APTX: variants seen among roughly 807,000 people sequenced by gnomAD.
APTX encodes forkhead-associated domain histidine triad-like protein.
Under a neutral mutation model 42.3 loss-of-function variants are expected in APTX, and 33 were observed. That is an observed-to-expected ratio of 0.78 (90% CI 0.59 to 1.04). The LOEUF is 1.04. Among genes scored for constraint, APTX ranks in the 50% least tolerant of loss-of-function variants. The probability of loss-of-function intolerance (pLI) is 0.00; values close to 1 mark genes in which losing one functional copy is unlikely to be tolerated. For missense variants in APTX, 421 were observed against 415.1 expected (o/e 1.01, Z -0.12); for synonymous variants, 130 against 146.7 (o/e 0.89, Z 0.82).
chr9:32,974,467 C>T lies in APTX; in HGVS notation c.865G>A (p.Glu289Lys), dbSNP rs373733857. 1.3e-6 allele frequency: 2 copies of T among 1,574,600 alleles called. 1 individual carries two copies. Among genetic ancestry groups the T allele is most frequent in the African/African-American group, 2.7e-5 (2 of 74,202 alleles). ...WNSFNTEYFL[E>K]SQAVIEMVQE... ...AAGGAACACTGTTTACCTTGTGATT[C>T]TAGGAAGTATTCTGTATTGAAAGAA... Residue 289 changes from glutamate to lysine, a missense_variant, in exon 7 of 8, where the codon GAA becomes AAA. Transcript: ENST00000379817.
chr9:33,000,625 C>CGAAAAAAAAAAAAA (rs1836075139), intron 1 of APTX, among the ~76,000 whole-genome samples: 1 of 63,454 alleles, frequency 1.6e-5, no homozygotes, highest in African/African-American at 5.9e-5. Context: ...GACTCTGTCT[C>CGAAAAAAAAAAAAA]AAAAAAAAAA....
intron 7 of APTX, 132 bp from the exon 8 acceptor site, chr9:32,973,784 G>A (rs1828657122): frequency 8.2e-7 from 1 of 1,225,732 alleles, no homozygotes; most frequent in Admixed American, 1.8e-5. Flanking sequence ...AGCTCCGTAA[G>A]CTTAGTTTAG....
upstream of APTX, among the ~76,000 whole-genome samples, chr9:33,005,728 C>A (rs529970969): frequency 3.0e-4 from 46 of 152,286 alleles, no homozygotes; most frequent in Admixed American, 2.9e-3. Flanking sequence ...AGACACTGTG[C>A]CTGGCCTTGA....
intron 1 of APTX, among the ~76,000 whole-genome samples, chr9:33,021,114 A>G (rs1414241089): frequency 7.7e-6 from 1 of 129,926 alleles, no homozygotes. Context: ...GGGCAAAAAG[A>G]GAGAAACTCT....
chr9:32,997,884 T>C (rs1016514542), intron 1 of APTX, among the ~76,000 whole-genome samples: 1 of 152,190 alleles, frequency 6.6e-6, no homozygotes, highest in Non-Finnish European at 1.5e-5. Flanking sequence ...AAGCAGGAAT[T>C]TGATACAGAC....
At chr9:33,023,278 T>C (rs1030738785) in intron 1 of APTX, among the ~76,000 whole-genome samples, 2 of 151,832 alleles carry the variant, frequency 1.3e-5, no homozygotes, top group African/African-American at 2.4e-5. Flanking sequence ...GGCTGGAGTA[T>C]AGCGGCACCA....
upstream of APTX, chr9:33,001,663 C>G: frequency 1.2e-6 from 2 of 1,604,638 alleles, no homozygotes; most frequent in Non-Finnish European, 1.7e-6. Context: ...GTATCGCGAC[C>G]AGTGACGTCA....
At chr9:32,988,948 G>A (rs1158735803) in intron 2 of APTX, among the ~76,000 whole-genome samples, 1 of 152,188 alleles carries the variant, frequency 6.6e-6, no homozygotes, top group African/African-American at 2.4e-5. Context: ...AAGCATTCCT[G>A]TTCTGATAAA....
chr9:32,987,666 T>G lies in APTX; in HGVS notation c.361A>C (p.Ser121Arg). 1 of 1,614,208 alleles carries G rather than the reference T, an allele frequency of 6.2e-7. No homozygotes were observed. Among genetic ancestry groups the G allele is most frequent in the East Asian group, 2.2e-5 (1 of 44,884 alleles). ...THRKRKRSGN[S>R]DSIERDAAQE... ...GCAGCATCCCTTTCTATAGAATCAC[T>G]GTTGCCTGATCTCTTTCTCTTCCTG... is the stretch of plus-strand genomic sequence containing the variant. Residue 121 changes from serine (S) to arginine (R), a missense_variant, in exon 4 of 8, where the codon AGT (serine) becomes CGT (arginine). Physicochemically the swap from Ser to Arg is moderately radical, Grantham distance 110. Transcript: ENST00000379817.
At position 32,989,845 on chromosome 9, in the gene APTX, C is replaced by G; in HGVS notation, c.47G>C (p.Arg16Pro). ...WLVRQDSRHQ[R>P]IRLPHLEAVV... Reference sequence around the variant, plus strand: ...TGCTTCCAAATGTGGAAGTCTGATTCGCTGGTGCCGGCTGTCCTGTCTCAC... The same window carrying G: ...TGCTTCCAAATGTGGAAGTCTGATTGGCTGGTGCCGGCTGTCCTGTCTCAC... The change falls in exon 2 of 8, where the codon CGA becomes CCA. Residue 16 changes from arginine (R) to proline (P), a missense_variant. Physicochemically the swap from Arg to Pro is moderately radical, Grantham distance 103. Coordinates refer to ENST00000379817, the MANE Select transcript of APTX (RefSeq NM_001195248.2). 6.2e-7 allele frequency: 1 copy of G among 1,614,236 alleles called. No homozygotes were observed. Among genetic ancestry groups the G allele is most frequent in the Non-Finnish European group, 8.5e-7 (1 of 1,180,050 alleles).
At chr9:32,981,535 A>G (rs956185220) in intron 6 of APTX, among the ~76,000 whole-genome samples, 3 of 152,172 alleles carry the variant, frequency 2.0e-5, no homozygotes, top group African/African-American at 7.2e-5. Flanking sequence ...ACAGAAACCT[A>G]GTGCCCAAGA....
intron 6 of APTX, among the ~76,000 whole-genome samples, chr9:32,980,749 A>G (rs1252047481): frequency 6.6e-6 from 1 of 152,248 alleles, no homozygotes; most frequent in Non-Finnish European, 1.5e-5. Flanking sequence ...TAGAACAAAC[A>G]GAACTTATTA....
intron 1 of APTX, among the ~76,000 whole-genome samples, chr9:33,000,553 G>C (rs1836035459): frequency 6.7e-6 from 1 of 148,244 alleles, no homozygotes; most frequent in South Asian, 2.1e-4. Flanking sequence ...TTGAACCCGG[G>C]AGACGGAGGT....
intron 1 of APTX, among the ~76,000 whole-genome samples, chr9:32,991,558 C>T (rs183396305): frequency 1.2e-4 from 19 of 152,124 alleles, no homozygotes; most frequent in Admixed American, 3.9e-4. Flanking sequence ...CCAAGGCAGG[C>T]GGATCACGAG....
chr9:33,010,480 G>C (rs963428837), intron 1 of APTX, among the ~76,000 whole-genome samples: 2 of 152,138 alleles, frequency 1.3e-5, no homozygotes, highest in Admixed American at 6.5e-5. Flanking sequence ...AGCACTTTGG[G>C]AGGCTGAGGC....
intron 1 of APTX, among the ~76,000 whole-genome samples, chr9:33,000,625 C>CAAAAAAAAAAAAAAAAAAAAAAAAAAA (rs60760701): frequency 9.5e-5 from 6 of 63,448 alleles, no homozygotes; most frequent in Admixed American, 4.0e-4. Flanking sequence ...GACTCTGTCT[C>CAAAAAAAAAAAAAAAAAAAAAAAAAAA]AAAAAAAAAA....
At chr9:32,975,560 G>A (rs369394280) in intron 6 of APTX, among the ~76,000 whole-genome samples, 7 of 152,102 alleles carry the variant, frequency 4.6e-5, no homozygotes, top group South Asian at 4.1e-4. Flanking sequence ...CTAACTGGGC[G>A]TGGTGGCAGG....
At chr9:32,982,992 T>A (rs796304237) in intron 6 of APTX, among the ~76,000 whole-genome samples, 13 of 152,268 alleles carry the variant, frequency 8.5e-5, no homozygotes, top group African/African-American at 3.1e-4. Flanking sequence ...TTGCCCAGGC[T>A]GGAGTACAAT....
intron 1 of APTX, among the ~76,000 whole-genome samples, chr9:33,018,429 G>A (rs1462751242): frequency 2.0e-5 from 3 of 150,864 alleles, no homozygotes; most frequent in South Asian, 2.1e-4. Context: ...TTAGCCAGAC[G>A]TGGTGGCAGG....
Sources: gnomAD v4.1 joint callset for allele counts (sites outside exome capture counted in the v4.1 genomes callset) on GRCh38, gnomAD v4.1.1 for gene constraint, MANE v1.5 for transcripts, NCBI Gene and HGNC (gene_info 2026-07-23, HGNC 2026-07-21) for gene names.